Variants in LMO7 observed in about 807,000 individuals in gnomAD.
The protein encoded by LMO7 is LIM domain only protein 7.
A neutral mutation model predicts 206.5 loss-of-function variants in LMO7; 120 were observed. That is an observed-to-expected ratio of 0.58 (90% CI 0.50 to 0.68). The LOEUF (loss-of-function observed/expected upper bound fraction) is 0.68. Among genes scored for constraint, LMO7 ranks in the 30% least tolerant of loss-of-function variants. The pLI, the probability that LMO7 is intolerant of heterozygous loss-of-function variation, is 0.00. For missense variants in LMO7, 1,959 were observed against 1,957.9 expected, an observed-to-expected ratio of 1.00 and a Z score of -0.01; for synonymous variants, 706 against 681.5, an observed-to-expected ratio of 1.04 and a Z score of -0.56.
At chr13:75,836,951 T>C (rs576193661) in intron 19 of LMO7, among the ~76,000 whole-genome samples, 1 of 152,326 alleles carries the variant, frequency 6.6e-6, no homozygotes. Flanking sequence ...TTTGGAGTTA[T>C]CTCCATCTTT....
intron 3 of LMO7, among the ~76,000 whole-genome samples, chr13:75,745,247 A>G (rs1013619209): frequency 6.6e-6 from 1 of 152,140 alleles, no homozygotes; most frequent in African/African-American, 2.4e-5. Context: ...CTGTTAAGGC[A>G]TCATGGGCTT....
intron 3 of LMO7, among the ~76,000 whole-genome samples, chr13:75,749,245 A>G (rs770899163): frequency 5.3e-5 from 8 of 152,148 alleles, no homozygotes; most frequent in Non-Finnish European, 1.2e-4. Flanking sequence ...TTTACCACAT[A>G]GTGTTCCTTG....
intron 2 of LMO7, among the ~76,000 whole-genome samples, chr13:75,718,511 A>G (rs1252377814): frequency 1.3e-5 from 2 of 152,150 alleles, no homozygotes; most frequent in Non-Finnish European, 2.9e-5. Context: ...GGGTTCACAG[A>G]AAAACTGAGG....
upstream of LMO7, among the ~76,000 whole-genome samples, chr13:75,633,974 A>G (rs1029710809): frequency 6.7e-6 from 1 of 149,586 alleles, no homozygotes; most frequent in Non-Finnish European, 1.5e-5. Context: ...CAGGCTCCCA[A>G]ATAGTGCCAC....
intron 4 of LMO7, among the ~76,000 whole-genome samples, chr13:75,780,640 G>A (rs567660890): frequency 6.6e-6 from 1 of 152,086 alleles, no homozygotes; most frequent in African/African-American, 2.4e-5. Context: ...AGAAGATGAC[G>A]GGATTAAGAG....
chr13:75,843,729 A>C (rs983003183), intron 25 of LMO7, among the ~76,000 whole-genome samples: 5 of 152,240 alleles, frequency 3.3e-5, no homozygotes, highest in African/African-American at 1.2e-4. Flanking sequence ...AATGCTTTGC[A>C]GTTTTGAAAT....
At chr13:75,754,771 G>C (rs2047543582) in intron 3 of LMO7, among the ~76,000 whole-genome samples, 1 of 152,094 alleles carries the variant, frequency 6.6e-6, no homozygotes, top group Admixed American at 6.6e-5. Flanking sequence ...AAATGCTTTT[G>C]GAAGGAAAAT....
intron 1 of LMO7, among the ~76,000 whole-genome samples, chr13:75,710,113 A>G (rs1364051447): frequency 6.6e-6 from 1 of 152,092 alleles, no homozygotes; most frequent in Non-Finnish European, 1.5e-5. Context: ...AGTTGTAGAT[A>G]TGCGGCATTA....
Position 75,840,440 on chromosome 13 carries a change from A to C in LMO7, c.3527A>C (p.Glu1176Ala), listed in dbSNP as rs755633160. 6.2e-7 allele frequency: 1 copy of C among 1,614,032 alleles called. No individual in the cohort carries two copies. Among genetic ancestry groups the C allele is most frequent in the East Asian group, 2.2e-5 (1 of 44,870 alleles). The change falls in exon 22 of 31, where the codon GAG (glutamate) becomes GCG (alanine). Residue 1176 changes from glutamate to alanine, a missense_variant. Glu to Ala is a moderately radical substitution (Grantham distance 107, BLOSUM62 -1). Transcript: ENST00000377534. ...SAPSRWVWDQEEERKRQERWQ... is the reference protein window; with the variant it reads ...SAPSRWVWDQAEERKRQERWQ... ...CCGAGTCGCTGGGTGTGGGATCAAGAGGAGGAGCGGAAGCGGCAGGAGAGG... is the reference window on the plus strand; with the variant it reads ...CCGAGTCGCTGGGTGTGGGATCAAGCGGAGGAGCGGAAGCGGCAGGAGAGG...
chr13:75,712,738 T>A (rs180768788), intron 1 of LMO7, among the ~76,000 whole-genome samples: 14 of 152,302 alleles, frequency 9.2e-5, no homozygotes, highest in African/African-American at 3.4e-4. Context: ...AGCTTTGTAA[T>A]GAAATTTGAG....
At chr13:75,701,864 A>G (rs1224398603) in intron 1 of LMO7, among the ~76,000 whole-genome samples, 1 of 152,144 alleles carries the variant, frequency 6.6e-6, no homozygotes, top group Non-Finnish European at 1.5e-5. Context: ...CCCTAATAGG[A>G]CTCAGGTTGT....
intron 9 of LMO7, chr13:75,806,600 G>C (rs1053376512): frequency 1.3e-5 from 2 of 152,200 alleles, no homozygotes; most frequent in African/African-American, 4.8e-5. Context: ...TGTGGAAAAA[G>C]GAAATAACTT....
chr13:75,684,242 T>C (rs1237408064), intron 1 of LMO7, among the ~76,000 whole-genome samples: 1 of 152,166 alleles, frequency 6.6e-6, no homozygotes, highest in African/African-American at 2.4e-5. Flanking sequence ...CCTTGAAATT[T>C]TTTTTCTTGA....
rs760667351 is a variant in LMO7, at chr13:75,727,042, C to A, written c.154C>A (p.Leu52Ile). 3 of 1,581,036 alleles carry A rather than the reference C, an allele frequency of 1.9e-6. No individual in the cohort carries two copies. Among genetic ancestry groups the A allele is most frequent in the Admixed American group, 3.3e-5 (2 of 59,748 alleles). ...ATTTACTTTCAGTTTGATTAATAAG[C>A]TTAAACCTGGCGTCATTAAGAAGAT... is the stretch of plus-strand genomic sequence containing the variant. The part of the protein sequence containing the change: ...GVLLCDLINK[L>I]KPGVIKKINR... The change falls in exon 3 of 31, where the codon CTT becomes ATT. Residue 52 changes from leucine (L) to isoleucine (I), a missense_variant. Coordinates refer to ENST00000377534, the MANE Select transcript of LMO7 (RefSeq NM_001306080.2).
Position 75,623,286 on chromosome 13 carries a change from C to T in LMO7, c.191C>T (p.Thr64Ile), listed in dbSNP as rs1003809582. ...TTTTACACAGATATAATTTTGAGGA[C>T]TGAACAAAATTCAGGAAGGACTATT... Residue 64 changes from threonine (T) to isoleucine (I), a missense_variant, in exon 2 of 30, where the codon ACT (threonine) becomes ATT (isoleucine). Transcript: ENST00000341547. 2.1e-6 allele frequency: 3 copies of T among 1,449,742 alleles called. No homozygotes were observed. In the African/African-American group the frequency reaches 4.2e-5, roughly 20 times the overall value. The allele number at this position is 1,449,742 out of a possible 1,614,324, so 89.8% of individuals were successfully genotyped here. A position where few individuals can be genotyped will look rare whatever the true frequency, so the allele number is the denominator to read the frequency against.
At chr13:75,657,139 G>T (rs2038133433) in intron 1 of LMO7, among the ~76,000 whole-genome samples, 1 of 152,214 alleles carries the variant, frequency 6.6e-6, no homozygotes. Context: ...AGGCAAGGAT[G>T]CCAAAGACTG....
intron 1 of LMO7, among the ~76,000 whole-genome samples, chr13:75,689,463 C>T (rs978932258): frequency 6.6e-6 from 1 of 152,102 alleles, no homozygotes; most frequent in Admixed American, 6.6e-5. Flanking sequence ...TATTGAGTGT[C>T]AACTTGATGG....
intron 12 of LMO7, 35 bp downstream of exon 12, chr13:75,817,313 A>G: frequency 1.5e-6 from 2 of 1,359,472 alleles, no homozygotes; most frequent in South Asian, 2.3e-5. Flanking sequence ...GAGAGAGTGT[A>G]TTTGTCTAAC....
intron 20 of LMO7, chr13:75,838,452 G>GAA: frequency 8.6e-6 from 1 of 116,788 alleles, no homozygotes; most frequent in Non-Finnish European, 1.2e-5. Context: ...TTTTAACTTT[G>GAA]TAAAAAAAAA....
Sources: gnomAD v4.1 joint callset for allele counts (sites outside exome capture counted in the v4.1 genomes callset) on GRCh38, gnomAD v4.1.1 for gene constraint, MANE v1.5 for transcripts, NCBI Gene and HGNC (gene_info 2026-07-23, HGNC 2026-07-21) for gene names.